LNX2: variants seen among roughly 807,000 people sequenced by gnomAD.
LNX2 encodes the protein ligand of numb-protein X 2, also known as ligand of Numb protein X 2.
LNX2 carries 35 observed loss-of-function variants against 66.2 expected under a neutral mutation model. That is an observed-to-expected ratio of 0.53 (90% CI 0.40 to 0.70). LNX2 has a LOEUF of 0.70. Ranked by LOEUF, LNX2 falls within the 30% of genes least tolerant of loss-of-function variation. LNX2 has a pLI of 0.00. For missense variants in LNX2, 791 were observed against 850.8 expected (o/e 0.93, Z 0.87); for synonymous variants, 337 against 315.6 (o/e 1.07, Z -0.72).
intron 2 of LNX2, among the ~76,000 whole-genome samples, chr13:27,578,640 T>G (rs796294659): frequency 6.6e-6 from 1 of 152,194 alleles, no homozygotes; most frequent in African/African-American, 2.4e-5. Context: ...GAACCACTTA[T>G]GTAAGAACTT....
At chr13:27,608,905 A>C (rs1161176449) in intron 1 of LNX2, among the ~76,000 whole-genome samples, 2 of 151,674 alleles carry the variant, frequency 1.3e-5, no homozygotes, top group Admixed American at 1.3e-4. Flanking sequence ...CCCAGGTTCA[A>C]GCGATTCTCT....
chr13:27,568,988 G>A (rs1311519964), intron 3 of LNX2, 41 bp downstream of exon 3: 5 of 1,546,370 alleles, frequency 3.2e-6, no homozygotes, highest in Non-Finnish European at 3.5e-6. Context: ...GGGAAGAAAG[G>A]AAATAGAGAT....
intron 6 of LNX2, among the ~76,000 whole-genome samples, chr13:27,559,011 A>G (rs1593240292): frequency 6.6e-6 from 1 of 152,308 alleles, no homozygotes; most frequent in East Asian, 1.9e-4. Context: ...TTACTCTGGT[A>G]GGTCACATTT....
In LNX2 at chr13:27,606,378, G is replaced by GAA. The variant is rs61005685; in HGVS notation, c.-101+13995_-101+13996dup. ...AAGTAACAAGGTCATGATTTATAGC[G>GAA]AAAAAAAAAAAAAGAGAGAAAAGCT... On this transcript the variant is annotated intron_variant, in intron 1 of 9. Coordinates refer to ENST00000316334, the MANE Select transcript of LNX2 (RefSeq NM_153371.4). Among the ~76,000 whole-genome samples the GAA allele has an allele frequency of 1.6e-3, 194 of 117,992 alleles. 1 individual carries two copies. The highest frequency in any genetic ancestry group is 0.014 in the Middle Eastern group (3 of 222). The allele number at this position is 117,992 out of a possible 152,430, so 77.4% of individuals were successfully genotyped here. A position where few individuals can be genotyped will look rare whatever the true frequency, so the allele number is the denominator to read the frequency against.
intron 1 of LNX2, among the ~76,000 whole-genome samples, chr13:27,612,097 G>A (rs920651887): frequency 6.6e-6 from 1 of 152,220 alleles, no homozygotes; most frequent in Non-Finnish European, 1.5e-5. Flanking sequence ...AAAAGTCCTA[G>A]AGAAATCACA....
chr13:27,587,580 G>A (rs868075074), intron 1 of LNX2, among the ~76,000 whole-genome samples: 41 of 152,050 alleles, frequency 2.7e-4, no homozygotes, highest in Admixed American at 8.5e-4. Context: ...AACCCAGCCC[G>A]TTAATTTACA....
At chr13:27,606,065 T>C (rs1955711825) in intron 1 of LNX2, among the ~76,000 whole-genome samples, 1 of 152,104 alleles carries the variant, frequency 6.6e-6, no homozygotes, top group Non-Finnish European at 1.5e-5. Flanking sequence ...ATATTAAAAC[T>C]GTAAAGGGAC....
chr13:27,576,598 C>T (rs375250066), intron 2 of LNX2, among the ~76,000 whole-genome samples: 9 of 151,522 alleles, frequency 5.9e-5, no homozygotes, highest in South Asian at 4.2e-4. Context: ...TGGTGGAGTG[C>T]GCCTGTAGTC....
chr13:27,591,507 C>T (rs1351211082), intron 1 of LNX2, among the ~76,000 whole-genome samples: 1 of 152,212 alleles, frequency 6.6e-6, no homozygotes, highest in Non-Finnish European at 1.5e-5. Context: ...GACATCTCCA[C>T]TAGGGAGTGA....
chr13:27,586,578 T>C (rs1955488982), intron 1 of LNX2, among the ~76,000 whole-genome samples: 1 of 152,202 alleles, frequency 6.6e-6, no homozygotes, highest in African/African-American at 2.4e-5. Flanking sequence ...GTGACAATAA[T>C]GCTTTCTTTC....
chr13:27,553,531 T>C, intron 7 of LNX2, 92 bp from the exon 8 acceptor site: 1 of 846,080 alleles, frequency 1.2e-6, no homozygotes, highest in Admixed American at 2.0e-5. Flanking sequence ...CAAAAGTTAG[T>C]TCCCCCAACT....
chr13:27,577,176 ACTAT>A (rs1283253625), intron 2 of LNX2, among the ~76,000 whole-genome samples: 1 of 152,220 alleles, frequency 6.6e-6, no homozygotes, highest in Non-Finnish European at 1.5e-5. Context: ...TCTTTGGAGA[ACTAT>A]CTATTCAAAT....
chr13:27,617,726 C>T (rs759089200), intron 1 of LNX2, among the ~76,000 whole-genome samples: 1 of 152,152 alleles, frequency 6.6e-6, no homozygotes, highest in Non-Finnish European at 1.5e-5. Context: ...CTATTCTTTC[C>T]TAGCTCCTGT....
intron 2 of LNX2, among the ~76,000 whole-genome samples, chr13:27,574,864 C>A (rs559658000): frequency 1.3e-5 from 2 of 152,266 alleles, no homozygotes; most frequent in South Asian, 4.1e-4. Context: ...CTGCTGATTT[C>A]TCTTCAGAAA....
intron 1 of LNX2, among the ~76,000 whole-genome samples, chr13:27,600,109 G>A (rs1034617309): frequency 6.6e-6 from 1 of 152,152 alleles, no homozygotes; most frequent in Non-Finnish European, 1.5e-5. Flanking sequence ...TCTGCTGCAT[G>A]CCAGGCACTG....
intron 2 of LNX2, among the ~76,000 whole-genome samples, chr13:27,578,828 T>C (rs1955368342): frequency 6.6e-6 from 1 of 152,224 alleles, no homozygotes; most frequent in Non-Finnish European, 1.5e-5. Context: ...TTCCCAGCTG[T>C]GGCACACATA....
At chr13:27,551,715 T>A (rs1344842332) in intron 8 of LNX2, among the ~76,000 whole-genome samples, 1 of 152,218 alleles carries the variant, frequency 6.6e-6, no homozygotes, top group Non-Finnish European at 1.5e-5. Flanking sequence ...ACTTCTCATC[T>A]TATCTAGTTT....
chr13:27,585,418 T>C (rs1211104226), intron 1 of LNX2, among the ~76,000 whole-genome samples: 1 of 150,722 alleles, frequency 6.6e-6, no homozygotes, highest in East Asian at 1.9e-4. Context: ...CAAGACTCTG[T>C]CTCAAAAAGG....
chr13:27,597,544 T>C (rs977250849), intron 1 of LNX2, among the ~76,000 whole-genome samples: 7 of 152,106 alleles, frequency 4.6e-5, no homozygotes, highest in African/African-American at 1.4e-4. Flanking sequence ...AGGGCTGGAC[T>C]AGGTACAGAG....
Sources: gnomAD v4.1 joint callset for allele counts (sites outside exome capture counted in the v4.1 genomes callset) on GRCh38, gnomAD v4.1.1 for gene constraint, MANE v1.5 for transcripts, NCBI Gene and HGNC (gene_info 2026-07-23, HGNC 2026-07-21) for gene names.